PDE4D: variants seen among roughly 807,000 people sequenced by gnomAD.
PDE4D encodes the protein 3',5'-cyclic-AMP phosphodiesterase 4D.
A neutral mutation model predicts 87.4 loss-of-function variants in PDE4D; 24 were observed. The observed-to-expected ratio is 0.27, with a 90% CI of 0.20 to 0.39. PDE4D has a LOEUF of 0.39. Among genes scored for constraint, PDE4D ranks in the 10% least tolerant of loss-of-function variants. PDE4D has a pLI of 1.00. For missense variants in PDE4D, 714 were observed against 1,041.0 expected (o/e 0.69, Z 4.32); for synonymous variants, 384 against 383.2 (o/e 1.00, Z -0.02).
intron 2 of PDE4D, among the ~76,000 whole-genome samples, chr5:60,076,653 A>C (rs1231657367): frequency 2.1e-5 from 3 of 144,722 alleles, no homozygotes; most frequent in Non-Finnish European, 4.5e-5. Flanking sequence ...ATCAGTTCCC[A>C]ACTTTGTTTT....
intron 1 of PDE4D, among the ~76,000 whole-genome samples, chr5:59,411,412 A>G (rs2153620963): frequency 6.6e-6 from 1 of 152,276 alleles, no homozygotes; most frequent in East Asian, 1.9e-4. Flanking sequence ...AGACTGTATT[A>G]ATTTTCCAGG....
chr5:59,825,688 T>C (rs1770238948), intron 1 of PDE4D, among the ~76,000 whole-genome samples: 1 of 152,166 alleles, frequency 6.6e-6, no homozygotes, highest in Non-Finnish European at 1.5e-5. Flanking sequence ...AGAACTGTAG[T>C]ATTAGGCTAA....
chr5:59,502,112 T>C (rs1408168358), intron 1 of PDE4D, among the ~76,000 whole-genome samples: 1 of 152,168 alleles, frequency 6.6e-6, no homozygotes, highest in East Asian at 1.9e-4. Context: ...ATATCCCTCC[T>C]GTCTCCTAGC....
rs570868791 is a variant in PDE4D at position 60,240,713 on chromosome 5, G to A, written c.-89-55026C>T. Among the ~76,000 whole-genome samples the A allele has an allele frequency of 7.2e-5, 11 of 152,156 alleles. No homozygotes were observed. In the South Asian group the frequency reaches 2.1e-3, roughly 29 times the overall value. On this transcript the variant is annotated intron_variant, in intron 1 of 16. Coordinates refer to the PDE4D transcript ENST00000502484. ...GATTCTGTGTTTGGGAGAAAGTAAC[G>A]GAAGAGAACAATAATCTCTCCCTGG...
chr5:59,526,348 G>A (rs561802018), intron 1 of PDE4D, among the ~76,000 whole-genome samples: 2 of 152,150 alleles, frequency 1.3e-5, no homozygotes, highest in East Asian at 3.8e-4. Flanking sequence ...GACCATGAAG[G>A]GGGAGACATG....
chr5:60,233,614 CT>C (rs1746075433), intron 1 of PDE4D, among the ~76,000 whole-genome samples: 1 of 151,314 alleles, frequency 6.6e-6, no homozygotes, highest in African/African-American at 2.4e-5. Flanking sequence ...GAAGATCAAA[CT>C]CTTGAAATAA....
At chr5:59,974,522 A>G (rs1761104559) in intron 3 of PDE4D, among the ~76,000 whole-genome samples, 1 of 152,132 alleles carries the variant, frequency 6.6e-6, no homozygotes, top group African/African-American at 2.4e-5. Context: ...CTATTCTCCA[A>G]TAGATGCTGA....
At chr5:59,920,636 C>T (rs1017653300) in intron 3 of PDE4D, among the ~76,000 whole-genome samples, 2 of 152,098 alleles carry the variant, frequency 1.3e-5, no homozygotes, top group African/African-American at 2.4e-5. Flanking sequence ...GAATCCTGGT[C>T]GTGTGACTTT....
At position 59,038,866 on chromosome 5, in the gene PDE4D, G is replaced by A; in HGVS notation, c.914C>T (p.Ser305Phe). The change falls in exon 6 of 15, where the codon TCC becomes TTC. Residue 305 changes from serine to phenylalanine, a missense_variant. Ser to Phe is a radical substitution (Grantham distance 155). Coordinates refer to ENST00000340635, the MANE Select transcript of PDE4D (RefSeq NM_001104631.2). ...QTRHSVSEMASNKFKRMLNRE... is the reference protein window; with the variant it reads ...QTRHSVSEMAFNKFKRMLNRE... ...AGCAGAACCGGGGCTTACCTTGTTGGAGGCCATCTCACTGACGGAGTGCCT... is the reference window on the plus strand; with the variant it reads ...AGCAGAACCGGGGCTTACCTTGTTGAAGGCCATCTCACTGACGGAGTGCCT... 2 of 1,560,414 alleles carry A rather than the reference G, an allele frequency of 1.3e-6. No individual in the cohort carries two copies. The highest frequency in any genetic ancestry group is 1.7e-6 in the Non-Finnish European group (2 of 1,152,758).
intron 1 of PDE4D, among the ~76,000 whole-genome samples, chr5:60,425,166 A>G (rs1743575227): frequency 6.6e-6 from 1 of 152,224 alleles, no homozygotes; most frequent in South Asian, 2.1e-4. Flanking sequence ...CTTTCTTCAC[A>G]GAAATGGAAA....
intron 1 of PDE4D, among the ~76,000 whole-genome samples, chr5:60,419,014 T>G (rs1357202927): frequency 2.0e-5 from 3 of 152,170 alleles, no homozygotes; most frequent in Non-Finnish European, 2.9e-5. Context: ...AACAAAAAAG[T>G]CAGCATTCCT....
intron 1 of PDE4D, among the ~76,000 whole-genome samples, chr5:59,548,012 GA>G (rs1236050958): frequency 6.6e-6 from 1 of 152,156 alleles, no homozygotes; most frequent in Non-Finnish European, 1.5e-5. Context: ...ACCACATAGA[GA>G]AAGTCTTAGA....
chr5:60,098,519 T>C (rs184402026), intron 2 of PDE4D, among the ~76,000 whole-genome samples: 10 of 152,126 alleles, frequency 6.6e-5, no homozygotes, highest in African/African-American at 1.9e-4. Flanking sequence ...TATTCTTCTG[T>C]ATTTTATTAT....
At chr5:59,445,534 A>C (rs1798220422) in intron 1 of PDE4D, among the ~76,000 whole-genome samples, 1 of 152,232 alleles carries the variant, frequency 6.6e-6, no homozygotes, top group Admixed American at 6.5e-5. Flanking sequence ...ATCAGAATTT[A>C]AGAAGACTTC....
intron 1 of PDE4D, among the ~76,000 whole-genome samples, chr5:59,394,790 A>G (rs1221080009): frequency 6.6e-6 from 1 of 152,174 alleles, no homozygotes; most frequent in Non-Finnish European, 1.5e-5. Context: ...CGCAGAAGAC[A>G]GGTGATTTCT....
chr5:60,362,863 G>GA (rs57443993), intron 1 of PDE4D, among the ~76,000 whole-genome samples: 10,443 of 115,790 alleles, frequency 0.09, 428 homozygotes, highest in East Asian at 0.15. Flanking sequence ...TCCATCTCAA[G>GA]AAAAAAAAAA....
At chr5:59,768,658 G>A in intron 1 of PDE4D, 2 of 1,504,868 alleles carry the variant, frequency 1.3e-6, no homozygotes, top group Non-Finnish European at 1.8e-6. Flanking sequence ...AGAGCCTGGG[G>A]CTGGGTGCAG....
At chr5:59,648,751 G>A (rs1742892971) in intron 1 of PDE4D, among the ~76,000 whole-genome samples, 1 of 151,588 alleles carries the variant, frequency 6.6e-6, no homozygotes, top group Admixed American at 6.6e-5. Context: ...TTTAATGGAG[G>A]AAATTATTGC....
chr5:60,252,891 A>G (rs901408084), intron 1 of PDE4D, among the ~76,000 whole-genome samples: 2 of 152,020 alleles, frequency 1.3e-5, no homozygotes, highest in Non-Finnish European at 1.5e-5. Context: ...AATAATACAC[A>G]TAAACTAGAG....
Sources: allele counts gnomAD v4.1 joint callset (sites outside exome capture counted in the v4.1 genomes callset), GRCh38; gene constraint gnomAD v4.1.1; transcripts MANE v1.5; gene names NCBI Gene and HGNC (gene_info 2026-07-23, HGNC 2026-07-21).